CNTN5: variants seen among roughly 807,000 people sequenced by gnomAD.
CNTN5 encodes contactin-5.
Under a neutral mutation model 129.1 loss-of-function variants are expected in CNTN5, and 77 were observed. That is an observed-to-expected ratio of 0.60 (90% CI 0.50 to 0.72). The LOEUF (loss-of-function observed/expected upper bound fraction) is 0.72. Ranked by LOEUF, CNTN5 falls within the 30% of genes least tolerant of loss-of-function variation. The pLI, the probability that CNTN5 is intolerant of heterozygous loss-of-function variation, is 0.00. For synonymous variants in CNTN5, 509 were observed against 465.6 expected, an observed-to-expected ratio of 1.09 and a Z score of -1.20; for missense variants, 1,478 against 1,328.8, an observed-to-expected ratio of 1.11 and a Z score of -1.75.
At chr11:99,410,385 C>G (rs1475000425) in intron 2 of CNTN5, among the ~76,000 whole-genome samples, 13 of 152,138 alleles carry the variant, frequency 8.5e-5, no homozygotes. Flanking sequence ...GAAAAATGCA[C>G]ATACCTTTCC....
intron 4 of CNTN5, among the ~76,000 whole-genome samples, chr11:99,828,687 T>G (rs2135595663): frequency 6.6e-6 from 1 of 152,332 alleles, no homozygotes; most frequent in Non-Finnish European, 1.5e-5. Context: ...TTTATCCAAA[T>G]TTAAGTAAGA....
chr11:99,387,163 A>C (rs2136176764), intron 2 of CNTN5, among the ~76,000 whole-genome samples: 1 of 152,328 alleles, frequency 6.6e-6, no homozygotes, highest in East Asian at 1.9e-4. Flanking sequence ...TTTTATATAC[A>C]TCTATTTGCC....
intron 3 of CNTN5, among the ~76,000 whole-genome samples, chr11:99,759,617 C>T (rs1461047598): frequency 6.6e-6 from 1 of 151,180 alleles, no homozygotes; most frequent in Non-Finnish European, 1.5e-5. Context: ...AGTCATAACC[C>T]CAGATCTAGG....
At chr11:99,794,406 A>G (rs1017209917) in intron 3 of CNTN5, among the ~76,000 whole-genome samples, 90 of 151,990 alleles carry the variant, frequency 5.9e-4, no homozygotes, top group African/African-American at 2.1e-3. Flanking sequence ...TTATTGGGGC[A>G]TTTTGCCTGT....
intron 6 of CNTN5, among the ~76,000 whole-genome samples, chr11:99,908,932 G>T (rs937382742): frequency 2.0e-5 from 3 of 151,956 alleles, no homozygotes; most frequent in Non-Finnish European, 4.4e-5. Context: ...AGTGAAAATG[G>T]CAAGCCATAG....
chr11:99,419,836 A>G (rs911485038), intron 2 of CNTN5, among the ~76,000 whole-genome samples: 1 of 152,146 alleles, frequency 6.6e-6, no homozygotes, highest in Non-Finnish European at 1.5e-5. Context: ...ATCCCAATTA[A>G]TGACTTCTCC....
chr11:99,835,295 A>G (rs1321980185), intron 4 of CNTN5, among the ~76,000 whole-genome samples: 1 of 152,168 alleles, frequency 6.6e-6, no homozygotes, highest in Non-Finnish European at 1.5e-5. Flanking sequence ...CCTGAGTGAA[A>G]AAAGGAATGA....
At chr11:100,320,373 C>A (rs1951665239) in intron 21 of CNTN5, among the ~76,000 whole-genome samples, 1 of 152,074 alleles carries the variant, frequency 6.6e-6, no homozygotes, top group African/African-American at 2.4e-5. Flanking sequence ...AAGTCCTTTG[C>A]CCATTTTTTA....
At chr11:99,272,688 G>A (rs1246183727) in intron 1 of CNTN5, among the ~76,000 whole-genome samples, 1 of 151,762 alleles carries the variant, frequency 6.6e-6, no homozygotes, top group Non-Finnish European at 1.5e-5. Context: ...TCTGTACCAT[G>A]ATACTTACAT....
chr11:99,355,140 C>A lies in CNTN5; in HGVS notation c.-71+29656C>A, dbSNP rs112945305. Among the ~76,000 whole-genome samples, 925 of 152,286 alleles carry A rather than the reference C, an allele frequency of 6.1e-3. 13 individuals carry two copies. Among genetic ancestry groups the A allele is most frequent in the African/African-American group, 0.02 (840 of 41,542 alleles). ...TCCTACTGTGTTATCTTAACTAGCACACTTTCTACTTTCCATTGATTGTAA... is the reference window on the plus strand; with the variant it reads ...TCCTACTGTGTTATCTTAACTAGCAAACTTTCTACTTTCCATTGATTGTAA... On this transcript the variant is annotated intron_variant, in intron 2 of 24. Transcript: ENST00000524871.
intron 1 of CNTN5, among the ~76,000 whole-genome samples, chr11:99,122,682 T>A (rs1858406083): frequency 6.6e-6 from 1 of 152,070 alleles, no homozygotes; most frequent in Non-Finnish European, 1.5e-5. Flanking sequence ...TATTATTATT[T>A]TTTTGATCCT....
At chr11:99,536,826 G>A (rs1947917919) in intron 2 of CNTN5, among the ~76,000 whole-genome samples, 1 of 143,188 alleles carries the variant, frequency 7.0e-6, no homozygotes, top group African/African-American at 2.6e-5. Context: ...AGCCAGATAT[G>A]TAATTTTAAA....
chr11:99,786,015 C>A (rs879946974), intron 3 of CNTN5, among the ~76,000 whole-genome samples: 1 of 151,716 alleles, frequency 6.6e-6, no homozygotes, highest in African/African-American at 2.4e-5. Flanking sequence ...GGCAATCAGG[C>A]AAGAGAAAGA....
intron 15 of CNTN5, among the ~76,000 whole-genome samples, chr11:100,220,172 G>A (rs188188123): frequency 6.6e-6 from 1 of 152,044 alleles, no homozygotes; most frequent in Non-Finnish European, 1.5e-5. Context: ...AGCTACTCGG[G>A]AGGCTAAGGC....
chr11:99,628,522 G>GTATA lies in CNTN5; in HGVS notation c.55+72256_55+72257insATAT, dbSNP rs1565365148. Among the ~76,000 whole-genome samples, 13 of 150,732 alleles carry GTATA rather than the reference G, an allele frequency of 8.6e-5. No homozygotes were observed. The East Asian group carries it at 1.8e-3, about 20-fold the overall frequency. ...GCAATGTACCGTGTATTATATACAG[G>GTATA]TATTAATTCAACCAAAACGTGTATA... On this transcript the variant is annotated intron_variant, in intron 3 of 24. Transcript: ENST00000524871.
intron 16 of CNTN5, among the ~76,000 whole-genome samples, chr11:100,250,442 A>G (rs1477431720): frequency 6.6e-6 from 1 of 151,616 alleles, no homozygotes; most frequent in Admixed American, 6.6e-5. Context: ...GTCTAATTGT[A>G]TGTCAAGTAC....
intron 3 of CNTN5, among the ~76,000 whole-genome samples, chr11:99,773,300 ATC>A (rs1361670886): frequency 6.6e-6 from 1 of 152,152 alleles, no homozygotes; most frequent in Non-Finnish European, 1.5e-5. Flanking sequence ...CAAAGAAATT[ATC>A]TGTTTTTATA....
chr11:99,654,702 C>T (rs987801174), intron 3 of CNTN5, among the ~76,000 whole-genome samples: 4 of 152,034 alleles, frequency 2.6e-5, no homozygotes, highest in South Asian at 2.1e-4. Context: ...AAGGTCTGAA[C>T]ATTAATTGCA....
At chr11:99,844,229 T>C (rs1355947428) in intron 4 of CNTN5, among the ~76,000 whole-genome samples, 2 of 152,178 alleles carry the variant, frequency 1.3e-5, no homozygotes, top group East Asian at 1.9e-4. Context: ...TCTGATCTTA[T>C]TGACTATTTA....
Sources: allele counts gnomAD v4.1 joint callset (sites outside exome capture counted in the v4.1 genomes callset), GRCh38; gene constraint gnomAD v4.1.1; transcripts MANE v1.5; gene names NCBI Gene and HGNC (gene_info 2026-07-23, HGNC 2026-07-21).